EYS: variants seen among roughly 807,000 people sequenced by gnomAD.
EYS encodes EGF-like photoreceptor maintenance factor, also known as protein eyes shut homolog.
A neutral mutation model predicts 282.1 loss-of-function variants in EYS; 250 were observed. That is an observed-to-expected ratio of 0.89 (90% CI 0.80 to 0.98). EYS has a LOEUF of 0.98. Among genes scored for constraint, EYS ranks in the 50% least tolerant of loss-of-function variants. EYS has a pLI of 0.00. For missense variants in EYS, 4,016 were observed against 3,709.0 expected (o/e 1.08, Z -2.15); for synonymous variants, 1,355 against 1,282.9 (o/e 1.06, Z -1.20).
At chr6:63,795,346 T>C (rs897671728) in intron 37 of EYS, among the ~76,000 whole-genome samples, 3 of 152,086 alleles carry the variant, frequency 2.0e-5, no homozygotes, top group African/African-American at 7.2e-5. Context: ...GGTGGCATTG[T>C]TAGGGATGGG....
At chr6:64,576,759 T>C (rs1765893733) in intron 26 of EYS, among the ~76,000 whole-genome samples, 1 of 152,094 alleles carries the variant, frequency 6.6e-6, no homozygotes, top group African/African-American at 2.4e-5. Flanking sequence ...TGTATCAGCC[T>C]TGTGCTTAAT....
chr6:64,887,935 C>T (rs1478936115), intron 18 of EYS, among the ~76,000 whole-genome samples: 1 of 151,808 alleles, frequency 6.6e-6, no homozygotes, highest in African/African-American at 2.4e-5. Flanking sequence ...TTTTAAAATT[C>T]TGAATATGAA....
intron 13 of EYS, among the ~76,000 whole-genome samples, chr6:65,056,141 T>C (rs1477003288): frequency 1.3e-5 from 2 of 152,038 alleles, no homozygotes; most frequent in Non-Finnish European, 2.9e-5. Flanking sequence ...CAATATTCCT[T>C]TATTTTGGTG....
chr6:65,143,784 C>G (rs1764408581), intron 12 of EYS, among the ~76,000 whole-genome samples: 2 of 152,058 alleles, frequency 1.3e-5, no homozygotes, highest in Non-Finnish European at 2.9e-5. Context: ...TCTGTTACTC[C>G]TCTAGACCAG....
chr6:65,531,898 C>A (rs970884061), intron 2 of EYS, among the ~76,000 whole-genome samples: 5 of 152,038 alleles, frequency 3.3e-5, no homozygotes, highest in Non-Finnish European at 7.4e-5. Flanking sequence ...TTTCATTAAC[C>A]TAATTCACAA....
intron 22 of EYS, among the ~76,000 whole-genome samples, chr6:64,656,757 G>A (rs1048612223): frequency 1.3e-5 from 2 of 152,270 alleles, no homozygotes; most frequent in East Asian, 3.9e-4. Context: ...AGAAGGGGAA[G>A]GGGGTTAATT....
chr6:64,428,257 C>G (rs1774470889), intron 28 of EYS, among the ~76,000 whole-genome samples: 1 of 151,920 alleles, frequency 6.6e-6, no homozygotes, highest in South Asian at 2.1e-4. Flanking sequence ...TATTTTTTAG[C>G]AAGAATATTT....
intron 13 of EYS, among the ~76,000 whole-genome samples, chr6:65,015,991 G>A (rs922204274): frequency 1.3e-5 from 2 of 150,752 alleles, no homozygotes; most frequent in East Asian, 1.9e-4. Flanking sequence ...GTTGCAGGGA[G>A]CTGAGATTGT....
intron 1 of EYS, among the ~76,000 whole-genome samples, chr6:65,656,425 T>A (rs1767831404): frequency 6.6e-6 from 1 of 151,866 alleles, no homozygotes; most frequent in Admixed American, 6.6e-5. Context: ...GGGAAAGTGC[T>A]ATTTCAGTGA....
At chr6:64,842,682 G>C (rs1270337952) in intron 19 of EYS, among the ~76,000 whole-genome samples, 1 of 152,036 alleles carries the variant, frequency 6.6e-6, no homozygotes, top group Non-Finnish European at 1.5e-5. Flanking sequence ...CTACATTTTA[G>C]CAAAGAGACT....
In EYS at chr6:64,475,250, A is replaced by T. The variant is rs534319909; in HGVS notation, c.5645-35898T>A. 4.1e-5 allele frequency among the ~76,000 whole-genome samples: 6 copies of T among 146,006 alleles called. 1 individual carries two copies. In the East Asian group the frequency reaches 1.3e-3, roughly 32 times the overall value. ...AGGTTCTACTTCATAGTTTGCTCTG[A>T]ATAGTAAATGAAAAGAAAAGGCCGG... is the stretch of plus-strand genomic sequence containing the variant. On this transcript the variant is annotated intron_variant, in intron 26 of 42. Transcript: ENST00000503581.
At chr6:65,540,972 A>G (rs1435814851) in intron 2 of EYS, among the ~76,000 whole-genome samples, 6 of 152,136 alleles carry the variant, frequency 3.9e-5, no homozygotes, top group Non-Finnish European at 5.9e-5. Context: ...TAAAACTGAC[A>G]TAAGTATCAC....
At chr6:64,088,987 A>T (rs1478477149) in intron 31 of EYS, among the ~76,000 whole-genome samples, 1 of 151,968 alleles carries the variant, frequency 6.6e-6, no homozygotes, top group African/African-American at 2.4e-5. Flanking sequence ...GAAGAAACAG[A>T]ATATTGTTTG....
chr6:64,349,668 TTTTG>T (rs1771546002), intron 29 of EYS, among the ~76,000 whole-genome samples: 12 of 151,414 alleles, frequency 7.9e-5, no homozygotes, highest in Admixed American at 7.9e-4. Context: ...GTGTTTTTAG[TTTTG>T]TTTTTCAATT....
Position 65,597,267 on chromosome 6 carries a change from C to T in EYS, c.-333+42511G>A, listed in dbSNP as rs1765442117. Among the ~76,000 whole-genome samples the T allele has an allele frequency of 2.6e-5, 4 of 152,144 alleles. No individual in the cohort carries two copies. The South Asian group carries it at 8.3e-4, about 32-fold the overall frequency. On this transcript the variant is annotated intron_variant, in intron 2 of 42. Coordinates refer to ENST00000503581, the MANE Select transcript of EYS (RefSeq NM_001142800.2). ...AAGAGTGAACCAAGAAACAGCATTTCCTACCTTCATTTGAGCATTGAGATT... is the reference window on the plus strand; with the variant it reads ...AAGAGTGAACCAAGAAACAGCATTTTCTACCTTCATTTGAGCATTGAGATT...
chr6:64,512,172 G>T (rs532138129), intron 26 of EYS, among the ~76,000 whole-genome samples: 2 of 151,906 alleles, frequency 1.3e-5, no homozygotes, highest in Admixed American at 1.3e-4. Flanking sequence ...TGATATGTTT[G>T]TACATTTAAT....
intron 12 of EYS, among the ~76,000 whole-genome samples, chr6:65,188,085 A>T (rs895905960): frequency 6.6e-6 from 1 of 151,608 alleles, no homozygotes; most frequent in African/African-American, 2.4e-5. Flanking sequence ...TTACTATTCA[A>T]AAAATAAATC....
At chr6:63,750,972 A>T (rs1323097655) in intron 41 of EYS, among the ~76,000 whole-genome samples, 1 of 152,148 alleles carries the variant, frequency 6.6e-6, no homozygotes, top group Non-Finnish European at 1.5e-5. Flanking sequence ...GCTCTGCAAT[A>T]TGCTTTGTGA....
chr6:64,229,916 G>T (rs1475499360), intron 31 of EYS, among the ~76,000 whole-genome samples: 1 of 152,184 alleles, frequency 6.6e-6, no homozygotes, highest in African/African-American at 2.4e-5. Flanking sequence ...TAGAACTGGA[G>T]ATTAGTTGTA....
Sources: gnomAD v4.1 joint callset for allele counts (sites outside exome capture counted in the v4.1 genomes callset) on GRCh38, gnomAD v4.1.1 for gene constraint, MANE v1.5 for transcripts, NCBI Gene and HGNC (gene_info 2026-07-23, HGNC 2026-07-21) for gene names.